Variants in OLA1 observed in about 807,000 individuals in gnomAD.
OLA1 encodes Obg like ATPase 1.
A neutral mutation model predicts 48.4 loss-of-function variants in OLA1; 14 were observed. That is an observed-to-expected ratio of 0.29 (90% confidence interval 0.19 to 0.45). The LOEUF is 0.45. Among genes scored for constraint, OLA1 ranks in the 20% least tolerant of loss-of-function variants. OLA1 has a pLI of 1.00. For missense variants in OLA1, 325 were observed against 467.1 expected (o/e 0.70, Z 2.80); for synonymous variants, 127 against 150.4 (o/e 0.84, Z 1.14).
chr2:174,095,982 T>C (rs943382016), intron 7 of OLA1, among the ~76,000 whole-genome samples: 2 of 152,186 alleles, frequency 1.3e-5, no homozygotes, highest in African/African-American at 4.8e-5. Context: ...ATGTTCATCA[T>C]TAGTCATTAC....
At chr2:174,175,612 TG>T (rs1221193759) in intron 4 of OLA1, among the ~76,000 whole-genome samples, 5 of 152,068 alleles carry the variant, frequency 3.3e-5, no homozygotes, top group African/African-American at 1.2e-4. Context: ...CTCATATTGC[TG>T]GTGTGAAATC....
At chr2:174,096,053 TAAG>T (rs1166979545) in intron 7 of OLA1, among the ~76,000 whole-genome samples, 1 of 152,174 alleles carries the variant, frequency 6.6e-6, no homozygotes, top group Non-Finnish European at 1.5e-5. Context: ...TGATTATAAT[TAAG>T]AAGACAGACA....
chr2:174,164,385 G>GCATAGTGCAGAATGGA (rs1553485219), intron 4 of OLA1, among the ~76,000 whole-genome samples: 40 of 151,570 alleles, frequency 2.6e-4, no homozygotes, highest in African/African-American at 6.3e-4. Context: ...ATACCATTCT[G>GCATAGTGCAGAATGGA]TTTTATGTTT....
chr2:174,219,139 G>A (rs1181791885), intron 4 of OLA1, among the ~76,000 whole-genome samples: 3 of 151,892 alleles, frequency 2.0e-5, no homozygotes, highest in Non-Finnish European at 4.4e-5. Context: ...TGTTGTGTGT[G>A]AAAGAAGCTT....
At chr2:174,145,166 C>A (rs922348149) in intron 4 of OLA1, among the ~76,000 whole-genome samples, 13 of 151,288 alleles carry the variant, frequency 8.6e-5, no homozygotes, top group African/African-American at 3.2e-4. Flanking sequence ...GAGCCCAACA[C>A]ACAAAATTCT....
intron 4 of OLA1, among the ~76,000 whole-genome samples, chr2:174,174,037 A>AC (rs1558989767): frequency 2.3e-3 from 11 of 4,792 alleles, no homozygotes; most frequent in African/African-American, 6.3e-3. Flanking sequence ...CACACACACA[A>AC]AAAAAAAAAA....
intron 4 of OLA1, among the ~76,000 whole-genome samples, chr2:174,210,705 T>C (rs1688221663): frequency 6.6e-6 from 1 of 152,198 alleles, no homozygotes; most frequent in Non-Finnish European, 1.5e-5. Context: ...ACTGATTATA[T>C]CAAACAACAG....
At chr2:174,114,794 A>G (rs762339954) in intron 7 of OLA1, among the ~76,000 whole-genome samples, 20 of 152,196 alleles carry the variant, frequency 1.3e-4, no homozygotes, top group Non-Finnish European at 2.2e-4. Flanking sequence ...GGAGTAACCC[A>G]TTCCTAAACT....
intron 5 of OLA1, among the ~76,000 whole-genome samples, chr2:174,130,445 C>T (rs566055931): frequency 6.6e-6 from 1 of 152,266 alleles, no homozygotes; most frequent in East Asian, 1.9e-4. Context: ...TGTAGGCTTT[C>T]AGTTATATGA....
chr2:174,240,600 G>C (rs1041097442), intron 2 of OLA1: 5 of 151,738 alleles, frequency 3.3e-5, no homozygotes, highest in African/African-American at 1.2e-4. Context: ...TTTTACATAA[G>C]ATATCCAATA....
chr2:174,214,189 C>T (rs1454517516), intron 4 of OLA1, among the ~76,000 whole-genome samples: 1 of 151,806 alleles, frequency 6.6e-6, no homozygotes, highest in East Asian at 1.9e-4. Context: ...AAAAATTGGC[C>T]AGGCGTGGTG....
At chr2:174,203,074 A>G (rs1688026046) in intron 4 of OLA1, among the ~76,000 whole-genome samples, 1 of 152,222 alleles carries the variant, frequency 6.6e-6, no homozygotes, top group Non-Finnish European at 1.5e-5. Flanking sequence ...TTCTAGATTT[A>G]ATAAAATATT....
In OLA1 at chr2:174,247,834, C is replaced by T. The variant is rs1574580892; in HGVS notation, c.-1+618G>A. ...TTACAAGTCGAAACTTTCTCTGTCC[C>T]TTACTAGTTCTGTCTCCAAATCATG... is the stretch of plus-strand genomic sequence containing the variant. On this transcript the variant is annotated intron_variant, in intron 1 of 10. Transcript: ENST00000284719. 7 of 1,524,158 alleles carry T rather than the reference C, an allele frequency of 4.6e-6. No individual in the cohort carries two copies. In the East Asian group the frequency reaches 1.7e-4, roughly 37 times the overall value. The allele number at this position is 1,524,158 out of a possible 1,614,324, so 94.4% of individuals were successfully genotyped here.
intron 2 of OLA1, among the ~76,000 whole-genome samples, chr2:174,237,696 G>A (rs1688890726): frequency 6.6e-6 from 1 of 152,296 alleles, no homozygotes; most frequent in East Asian, 1.9e-4. Context: ...CTAGGCTGCA[G>A]TAAGCTATGA....
At chr2:174,134,671 T>G (rs1686259921) in intron 5 of OLA1, among the ~76,000 whole-genome samples, 1 of 152,202 alleles carries the variant, frequency 6.6e-6, no homozygotes, top group Admixed American at 6.5e-5. Flanking sequence ...AGTTCCAGTA[T>G]GAAATGATGA....
chr2:174,103,378 C>T (rs1242463599), intron 7 of OLA1, among the ~76,000 whole-genome samples: 2 of 152,148 alleles, frequency 1.3e-5, no homozygotes, highest in African/African-American at 2.4e-5. Flanking sequence ...ACGACATGCC[C>T]ATGCCCATCT....
chr2:174,201,515 A>AT (rs1185849255), intron 4 of OLA1, among the ~76,000 whole-genome samples: 3 of 151,984 alleles, frequency 2.0e-5, no homozygotes, highest in East Asian at 1.9e-4. Flanking sequence ...TGCCCGGCTG[A>AT]TTTTTTTTAT....
chr2:174,212,681 A>G (rs1314859169), intron 4 of OLA1, among the ~76,000 whole-genome samples: 1 of 152,048 alleles, frequency 6.6e-6, no homozygotes, highest in East Asian at 1.9e-4. Flanking sequence ...GCTTTTTTCC[A>G]TTTTTTAAAT....
At chr2:174,081,811 C>T (rs1343234969) in intron 8 of OLA1, 113 bp downstream of exon 8, 43 of 1,018,492 alleles carry the variant, frequency 4.2e-5, no homozygotes, top group Non-Finnish European at 5.5e-5. Context: ...GAGAAGATTC[C>T]CTCTTTATAA....
Sources: gnomAD v4.1 joint callset for allele counts (sites outside exome capture counted in the v4.1 genomes callset) on GRCh38, gnomAD v4.1.1 for gene constraint, MANE v1.5 for transcripts, NCBI Gene and HGNC (gene_info 2026-07-23, HGNC 2026-07-21) for gene names.